MYO3B: variants seen among roughly 807,000 people sequenced by gnomAD.
MYO3B encodes myosin-IIIb.
In MYO3B, 156 loss-of-function variants were observed where a neutral mutation model predicts 174.6. That is an observed-to-expected ratio of 0.89 (90% CI 0.78 to 1.02). The LOEUF (loss-of-function observed/expected upper bound fraction) is 1.02, where lower values mean the gene tolerates loss of function less well. Ranked by LOEUF, MYO3B falls within the 50% of genes least tolerant of loss-of-function variation. MYO3B has a pLI of 0.00. For missense variants in MYO3B, 1,632 were observed against 1,639.4 expected, an observed-to-expected ratio of 1.00 and a Z score of 0.08; for synonymous variants, 563 against 569.1, an observed-to-expected ratio of 0.99 and a Z score of 0.15.
intron 22 of MYO3B, among the ~76,000 whole-genome samples, chr2:170,421,500 C>T (rs1558985279): frequency 6.6e-6 from 1 of 152,212 alleles, no homozygotes; most frequent in Non-Finnish European, 1.5e-5. Context: ...CCTCTTGGAA[C>T]GTGGCTGCCC....
chr2:170,291,754 T>A (rs4668233), intron 7 of MYO3B, among the ~76,000 whole-genome samples: 101,091 of 151,152 alleles, frequency 0.67, 34,010 homozygotes, highest in Admixed American at 0.73. Flanking sequence ...ATGCCATTTT[T>A]TCCCTTCCTG....
intron 22 of MYO3B, among the ~76,000 whole-genome samples, chr2:170,413,449 C>G (rs544210447): frequency 3.2e-4 from 49 of 152,006 alleles, no homozygotes; most frequent in Admixed American, 1.7e-3. Context: ...GAGGATGGCT[C>G]GTGATGCTGA....
intron 22 of MYO3B, among the ~76,000 whole-genome samples, chr2:170,439,112 C>T (rs1285500752): frequency 6.9e-6 from 1 of 143,912 alleles, no homozygotes; most frequent in Non-Finnish European, 1.5e-5. Flanking sequence ...ATGGCTCACA[C>T]CTGTAATCCC....
At chr2:170,201,019 G>A (rs570043680) in intron 3 of MYO3B, among the ~76,000 whole-genome samples, 10 of 152,164 alleles carry the variant, frequency 6.6e-5, no homozygotes, top group Non-Finnish European at 8.8e-5. Context: ...AGCTGTTCCT[G>A]TTTCTAGCAG....
chr2:170,420,416 A>T (rs1285386122), intron 22 of MYO3B, among the ~76,000 whole-genome samples: 3 of 152,068 alleles, frequency 2.0e-5, no homozygotes, highest in African/African-American at 4.8e-5. Context: ...ATGTCTCAGT[A>T]TGCTGATTTC....
chr2:170,566,491 C>T (rs1165832166), intron 32 of MYO3B, among the ~76,000 whole-genome samples: 1 of 152,100 alleles, frequency 6.6e-6, no homozygotes, highest in African/African-American at 2.4e-5. Flanking sequence ...AATTCTGTCA[C>T]CTGGATTTTT....
chr2:170,261,591 A>G (rs985655502), intron 7 of MYO3B, among the ~76,000 whole-genome samples: 2 of 152,212 alleles, frequency 1.3e-5, no homozygotes, highest in Middle Eastern at 3.2e-3. Flanking sequence ...GACTGCCAGT[A>G]CACATGCATA....
At chr2:170,487,779 T>C (rs4668261) in intron 25 of MYO3B, among the ~76,000 whole-genome samples, 15,418 of 152,210 alleles carry the variant, frequency 0.1, 1,289 homozygotes, top group East Asian at 0.4. Flanking sequence ...CAAAGCCATC[T>C]TTAAAACATA....
chr2:170,408,067 CAT>C (rs1202631485), intron 22 of MYO3B, among the ~76,000 whole-genome samples: 1 of 152,226 alleles, frequency 6.6e-6, no homozygotes, highest in African/African-American at 2.4e-5. Flanking sequence ...CACACATAAA[CAT>C]ACATACACTA....
intron 23 of MYO3B, among the ~76,000 whole-genome samples, chr2:170,462,632 G>C (rs1171246991): frequency 6.6e-6 from 1 of 152,262 alleles, no homozygotes; most frequent in African/African-American, 2.4e-5. Flanking sequence ...CACCTGTTCA[G>C]AGCAGATGGG....
chr2:170,605,622 C>A (rs1002695884), intron 32 of MYO3B, among the ~76,000 whole-genome samples: 1 of 152,024 alleles, frequency 6.6e-6, no homozygotes, highest in East Asian at 1.9e-4. Context: ...CTTTGGGAGG[C>A]GAGGTGGGTG....
At chr2:170,633,086 A>G (rs957799669) in intron 32 of MYO3B, among the ~76,000 whole-genome samples, 6 of 152,200 alleles carry the variant, frequency 3.9e-5, no homozygotes, top group Admixed American at 3.3e-4. Context: ...ATTCCAATCA[A>G]TAGAAAAAGA....
chr2:170,470,404 A>G (rs993511589), intron 25 of MYO3B, among the ~76,000 whole-genome samples: 1 of 152,092 alleles, frequency 6.6e-6, no homozygotes, highest in African/African-American at 2.4e-5. Flanking sequence ...TCAGTGTTGG[A>G]TGAAATGAAT....
At position 170,374,758 on chromosome 2, in the gene MYO3B, TACACACACACACACACACACACACAC is replaced by T. The variant is rs201921789; in HGVS notation, c.971+5398_971+5423del. 4.3e-5 allele frequency among the ~76,000 whole-genome samples: 6 copies of T among 140,068 alleles called. No homozygotes were observed. The East Asian group carries it at 1.1e-3, about 26-fold the overall frequency. 91.9% of individuals were successfully genotyped at this position (140,068 alleles called of 152,430 possible). Reference sequence around the variant, plus strand: ...CTCTCTATATATATATATGCATACATACACACACACACACACACACACACACACACACACACACACACTACAGATAT... The same window carrying T: ...CTCTCTATATATATATATGCATACATACACACACACACACACTACAGATAT... On this transcript the variant is annotated intron_variant, in intron 9 of 34. Coordinates refer to ENST00000408978, the MANE Select transcript of MYO3B (RefSeq NM_138995.5).
intron 32 of MYO3B, among the ~76,000 whole-genome samples, chr2:170,633,498 A>T (rs539231204): frequency 1.2e-4 from 18 of 152,222 alleles, no homozygotes; most frequent in African/African-American, 4.3e-4. Flanking sequence ...TTTATGATAA[A>T]CCCACAGCCA....
intron 7 of MYO3B, among the ~76,000 whole-genome samples, chr2:170,278,653 A>G (rs537137091): frequency 6.6e-6 from 1 of 152,076 alleles, no homozygotes; most frequent in Non-Finnish European, 1.5e-5. Context: ...ATGTACAATA[A>G]ATTGTCACTA....
At chr2:170,382,821 G>T in intron 10 of MYO3B, 3 of 300,552 alleles carry the variant, frequency 1.0e-5, no homozygotes, top group Admixed American at 4.6e-5. Flanking sequence ...AATCTTTGTT[G>T]GATATCTCAG....
intron 32 of MYO3B, among the ~76,000 whole-genome samples, chr2:170,560,946 A>T (rs146177705): frequency 2.1e-3 from 313 of 152,318 alleles, no homozygotes; most frequent in African/African-American, 6.6e-3. Context: ...CAAAGTGTTC[A>T]TTCCTTTTTT....
At chr2:170,358,107 G>A (rs113533447) in intron 8 of MYO3B, among the ~76,000 whole-genome samples, 2,382 of 150,976 alleles carry the variant, frequency 0.016, 66 homozygotes, top group African/African-American at 0.055. Context: ...AGCCGAGATC[G>A]CACCATTGCA....
Sources: allele counts gnomAD v4.1 joint callset (sites outside exome capture counted in the v4.1 genomes callset), GRCh38; gene constraint gnomAD v4.1.1; transcripts MANE v1.5; gene names NCBI Gene and HGNC (gene_info 2026-07-23, HGNC 2026-07-21).